FRMD4B: variants seen among roughly 807,000 people sequenced by gnomAD.
The protein encoded by FRMD4B is FERM domain containing 4B.
Under a neutral mutation model 141.5 loss-of-function variants are expected in FRMD4B, and 74 were observed. That is an observed-to-expected ratio of 0.52 (90% CI 0.43 to 0.63). FRMD4B has a LOEUF of 0.63. Among genes scored for constraint, FRMD4B ranks in the 30% least tolerant of loss-of-function variants. The pLI is 0.00. For synonymous variants in FRMD4B, 506 were observed against 467.9 expected (o/e 1.08, Z -1.05); for missense variants, 1,366 against 1,253.4 (o/e 1.09, Z -1.36).
intron 1 of FRMD4B, among the ~76,000 whole-genome samples, chr3:69,503,117 G>A (rs1328681764): frequency 6.6e-6 from 1 of 152,234 alleles, no homozygotes; most frequent in African/African-American, 2.4e-5. Flanking sequence ...CATTGTGGAA[G>A]TCAGTGTGGC....
At position 69,178,788 on chromosome 3, in the gene FRMD4B, C is replaced by T. The variant is rs753377330; in HGVS notation, c.2851+2111G>A. On this transcript the variant is annotated intron_variant, in intron 21 of 22. Coordinates refer to ENST00000398540, the MANE Select transcript of FRMD4B (RefSeq NM_015123.3). ...ATTTAAACTCTGTAGCCAGAGTTGC[C>T]TAAGCTGCAAAATTAGGATGATAAC... Among the ~76,000 whole-genome samples the T allele has an allele frequency of 1.0e-3, 154 of 151,548 alleles. 1 individual carries two copies. The highest frequency in any genetic ancestry group is 1.3e-3 in the Non-Finnish European group (89 of 67,946).
intron 1 of FRMD4B, among the ~76,000 whole-genome samples, chr3:69,370,874 AG>A (rs776426195): frequency 6.0e-4 from 91 of 152,208 alleles, no homozygotes; most frequent in Non-Finnish European, 2.9e-4. Context: ...GGCTTCTTAA[AG>A]TGTAAAGTAG....
chr3:69,207,960 A>G (rs1267584797), intron 11 of FRMD4B, among the ~76,000 whole-genome samples: 1 of 151,860 alleles, frequency 6.6e-6, no homozygotes, highest in Non-Finnish European at 1.5e-5. Context: ...GCTCACTGTA[A>G]CTTCCGCTTC....
intron 11 of FRMD4B, 26 bp downstream of exon 11, chr3:69,216,237 G>C (rs375964977): frequency 1.2e-5 from 14 of 1,173,026 alleles, no homozygotes; most frequent in East Asian, 2.4e-5. Context: ...ACAGTTCAAA[G>C]TTCTCCTAAA....
intron 1 of FRMD4B, among the ~76,000 whole-genome samples, chr3:69,333,488 T>G (rs1389113739): frequency 6.6e-6 from 1 of 152,216 alleles, no homozygotes; most frequent in Non-Finnish European, 1.5e-5. Flanking sequence ...CTTGTAGAAC[T>G]TTCAGTTTTG....
At chr3:69,481,974 C>A (rs1706132159) in intron 1 of FRMD4B, among the ~76,000 whole-genome samples, 1 of 152,166 alleles carries the variant, frequency 6.6e-6, no homozygotes, top group African/African-American at 2.4e-5. Context: ...GGACTAGATC[C>A]TTTTTTTCTT....
intron 1 of FRMD4B, among the ~76,000 whole-genome samples, chr3:69,314,170 A>AAAAAAAAC (rs1701717044): frequency 8.7e-6 from 1 of 115,358 alleles, no homozygotes; most frequent in Non-Finnish European, 1.9e-5. Flanking sequence ...AAAAAAAAAA[A>AAAAAAAAC]AAAGCCTCTC....
intron 4 of FRMD4B, among the ~76,000 whole-genome samples, chr3:69,291,633 C>G (rs529841468): frequency 8.5e-5 from 13 of 152,306 alleles, no homozygotes; most frequent in African/African-American, 2.9e-4. Flanking sequence ...GCTTCTCACC[C>G]TGGAGAATAA....
chr3:69,313,422 C>G (rs1168448361), intron 2 of FRMD4B, 30 bp downstream of exon 2: 1 of 1,507,006 alleles, frequency 6.6e-7, no homozygotes, highest in Non-Finnish European at 9.1e-7. Flanking sequence ...CAAGACTTAT[C>G]TGGGCAACAC....
intron 8 of FRMD4B, 34 bp downstream of exon 8, chr3:69,224,573 A>G (rs1255599703): frequency 9.1e-6 from 9 of 991,348 alleles, no homozygotes; most frequent in East Asian, 2.4e-5. Flanking sequence ...GGAGGCTATG[A>G]AAATGAGACA....
At chr3:69,308,337 A>G (rs563288545) in intron 3 of FRMD4B, among the ~76,000 whole-genome samples, 162 of 152,256 alleles carry the variant, frequency 1.1e-3, no homozygotes, top group African/African-American at 3.8e-3. Flanking sequence ...CTAAGGTCAC[A>G]CAGCTAGCTA....
intron 1 of FRMD4B, among the ~76,000 whole-genome samples, chr3:69,371,229 T>C (rs554874371): frequency 6.6e-6 from 1 of 152,138 alleles, no homozygotes; most frequent in East Asian, 1.9e-4. Context: ...GCTACAACTC[T>C]GAGGCTGGAA....
rs2092886029 is a variant in FRMD4B, at chr3:69,195,070, A to G, written c.1440T>C (p.Arg480=). 4 of 1,613,720 alleles carry G rather than the reference A, an allele frequency of 2.5e-6. No individual in the cohort carries two copies. The highest frequency in any genetic ancestry group is 3.4e-6 in the Non-Finnish European group (4 of 1,179,770). The change falls in exon 16 of 23, where the codon CGT becomes CGC. Residue 480 remains arginine, a synonymous_variant. Transcript: ENST00000398540. ...CATCTAATTTGAACGCAGTACCCAC[A>G]CGTCTTCTGACCTGAGGAGGCTTCT... is the stretch of plus-strand genomic sequence containing the variant. The part of the protein sequence containing the change: ...IGEKPPQVRR[R]VGTAFKLDDN...
chr3:69,504,043 C>T (rs759247796), intron 1 of FRMD4B, among the ~76,000 whole-genome samples: 3 of 152,172 alleles, frequency 2.0e-5, no homozygotes, highest in Admixed American at 1.3e-4. Context: ...AAAAATTGTC[C>T]ATACTCCTAC....
chr3:69,307,165 G>T lies in FRMD4B; in HGVS notation c.323+4098C>A, dbSNP rs139227032. On this transcript the variant is annotated intron_variant, in intron 3 of 22. Transcript: ENST00000398540. ...TGCCGGGGAGTGCACAGAGGACATT[G>T]TGGAGCCGGGGTTCTTGGAAAGACC... is the stretch of plus-strand genomic sequence containing the variant. Among the ~76,000 whole-genome samples the T allele has an allele frequency of 6.3e-3, 953 of 152,160 alleles. 4 individuals are homozygous for T. Among genetic ancestry groups the T allele is most frequent in the Non-Finnish European group, 9.2e-3 (625 of 68,016 alleles).
chr3:69,272,804 T>C (rs2093601485), intron 5 of FRMD4B, among the ~76,000 whole-genome samples: 2 of 152,216 alleles, frequency 1.3e-5, no homozygotes, highest in African/African-American at 2.4e-5. Flanking sequence ...TCAGTTAAAT[T>C]GCACTGAGAC....
intron 1 of FRMD4B, chr3:69,541,416 A>C (rs983865424): frequency 2.0e-5 from 3 of 152,206 alleles, no homozygotes; most frequent in Admixed American, 2.0e-4. Context: ...GGCCACACAA[A>C]GGAGAGCGAG....
In FRMD4B at chr3:69,214,976, T is replaced by A. The variant is rs28652882; in HGVS notation, c.876+1287A>T. Among the ~76,000 whole-genome samples the A allele has an allele frequency of 8.7e-3, 1,315 of 151,836 alleles. 17 individuals are homozygous for A. The highest frequency in any genetic ancestry group is 0.03 in the African/African-American group (1,221 of 41,378). Reference sequence around the variant, plus strand: ...CTCACTGCAACCTCTGCCTCCCAGGTTCAAGCAATTTTCCTGCCTCAGCCT... The same window carrying A: ...CTCACTGCAACCTCTGCCTCCCAGGATCAAGCAATTTTCCTGCCTCAGCCT... On this transcript the variant is annotated intron_variant, in intron 11 of 22. Transcript: ENST00000398540.
At chr3:69,266,627 G>GA (rs1480785883) in intron 5 of FRMD4B, among the ~76,000 whole-genome samples, 24 of 152,064 alleles carry the variant, frequency 1.6e-4, no homozygotes, top group African/African-American at 4.1e-4. Context: ...TGACTGGCCT[G>GA]AAAAATAGTT....
Sources: gnomAD v4.1 joint callset for allele counts (sites outside exome capture counted in the v4.1 genomes callset) on GRCh38, gnomAD v4.1.1 for gene constraint, MANE v1.5 for transcripts, NCBI Gene and HGNC (gene_info 2026-07-23, HGNC 2026-07-21) for gene names.